NUP58: variants seen among roughly 807,000 people sequenced by gnomAD.
The protein encoded by NUP58 is nucleoporin p58/p45.
Under a neutral mutation model 70.1 loss-of-function variants are expected in NUP58, and 17 were observed. The observed-to-expected ratio is 0.24, with a 90% CI of 0.17 to 0.36. The LOEUF (loss-of-function observed/expected upper bound fraction) is 0.36. Ranked by LOEUF, NUP58 falls within the 10% of genes least tolerant of loss-of-function variation. The pLI is 1.00. For missense variants in NUP58, 644 were observed against 701.5 expected, an observed-to-expected ratio of 0.92 and a Z score of 0.93; for synonymous variants, 275 against 257.6, an observed-to-expected ratio of 1.07 and a Z score of -0.65.
intron 13 of NUP58, chr13:25,336,011 T>G: frequency 8.8e-7 from 1 of 1,136,582 alleles, no homozygotes; most frequent in Non-Finnish European, 1.1e-6. Flanking sequence ...GAGAGGCTAG[T>G]AAGTTTGATG....
chr13:25,326,817 T>G, intron 10 of NUP58, 99 bp from the exon 11 acceptor site: 1 of 582,594 alleles, frequency 1.7e-6, no homozygotes, highest in Non-Finnish European at 3.0e-6. Flanking sequence ...CCTTGATACT[T>G]TTGAAGACTA....
At chr13:25,319,285 A>G (rs2031076969) in intron 6 of NUP58, 41 bp from the exon 7 acceptor site, 2 of 1,578,722 alleles carry the variant, frequency 1.3e-6, no homozygotes, top group Non-Finnish European at 1.7e-6. Flanking sequence ...ATGTTGTTCA[A>G]TTACCAATTT....
chr13:25,302,789 G>T, intron 1 of NUP58: 1 of 364,104 alleles, frequency 2.7e-6, no homozygotes, highest in South Asian at 2.1e-5. Context: ...TAAAAAGGGA[G>T]GGAGGAGGAA....
chr13:25,305,143 T>TTTGTTTGTTTG (rs1555253616), intron 1 of NUP58, among the ~76,000 whole-genome samples: 2 of 10,306 alleles, frequency 1.9e-4, no homozygotes, highest in African/African-American at 1.3e-4. Flanking sequence ...TTTTTTTTTT[T>TTTGTTTGTTTG]TTTTTTTTTT....
chr13:25,327,191 C>T (rs190387124), intron 11 of NUP58, among the ~76,000 whole-genome samples, 157 bp downstream of exon 11: 1 of 152,042 alleles, frequency 6.6e-6, no homozygotes, highest in African/African-American at 2.4e-5. Context: ...ATATAATATG[C>T]TTTATTATAT....
At chr13:25,317,137 A>G (rs3924002) in intron 6 of NUP58, among the ~76,000 whole-genome samples, 54,598 of 151,980 alleles carry the variant, frequency 0.36, 11,885 homozygotes, top group East Asian at 0.56. Context: ...GTAGCAATAA[A>G]CAGCATTCAG....
At chr13:25,336,293 T>C (rs2031779649) in intron 13 of NUP58, 1 of 1,314,232 alleles carries the variant, frequency 7.6e-7, no homozygotes, top group African/African-American at 1.5e-5. Flanking sequence ...ATTGTCATGT[T>C]ACTGTGTAAT....
At chr13:25,335,657 T>G in intron 13 of NUP58, 1 of 985,280 alleles carries the variant, frequency 1.0e-6, no homozygotes, top group Non-Finnish European at 1.2e-6. Flanking sequence ...TAGAAGCTAT[T>G]CGAAAAGTCC....
chr13:25,319,815 A>G (rs1314228870), intron 7 of NUP58, among the ~76,000 whole-genome samples: 1 of 152,044 alleles, frequency 6.6e-6, no homozygotes, highest in East Asian at 1.9e-4. Context: ...ATTTTCTCAC[A>G]TGATTTGTAC....
intron 3 of NUP58, chr13:25,309,944 C>T (rs563487691): frequency 3.2e-5 from 10 of 314,578 alleles, no homozygotes; most frequent in South Asian, 2.0e-4. Flanking sequence ...TTGGATGCTA[C>T]ACCTGTTATT....
At chr13:25,305,965 G>T (rs886809930) in intron 1 of NUP58, among the ~76,000 whole-genome samples, 8 of 152,104 alleles carry the variant, frequency 5.3e-5, no homozygotes, top group African/African-American at 1.4e-4. Flanking sequence ...TTGACTAGGG[G>T]ACATCTTTCT....
intron 14 of NUP58, 137 bp from the exon 15 acceptor site, chr13:25,338,499 A>G (rs1013151462): frequency 1.7e-6 from 1 of 577,232 alleles, no homozygotes; most frequent in Non-Finnish European, 3.1e-6. Context: ...CAAAGGAGTA[A>G]GCAGATTTCC....
Position 25,301,929 on chromosome 13 carries a change from C to T in NUP58, c.107+49C>T, listed in dbSNP as rs531301762. On this transcript the variant is annotated intron_variant, in intron 1 of 15. Coordinates refer to ENST00000381736, the MANE Select transcript of NUP58 (RefSeq NM_014089.4). ...TGGGCCGGATTCACCCCCACCCCCA[C>T]CCCCGCAAAGCTCCCTTGGTGTCCC... is the stretch of plus-strand genomic sequence containing the variant. 46 of 1,247,036 alleles carry T rather than the reference C, an allele frequency of 3.7e-5. No individual in the cohort carries two copies. In the Admixed American group the frequency reaches 3.7e-4, roughly 10 times the overall value. The allele number at this position is 1,247,036 out of a possible 1,614,324, so 77.2% of individuals were successfully genotyped here. A position where few individuals can be genotyped will look rare whatever the true frequency, so the allele number is the denominator to read the frequency against.
At chr13:25,329,230 CATT>C (rs1439854796) in intron 12 of NUP58, among the ~76,000 whole-genome samples, 1 of 152,142 alleles carries the variant, frequency 6.6e-6, no homozygotes, top group Non-Finnish European at 1.5e-5. Flanking sequence ...AGTAGGCTAT[CATT>C]ATACTGAATG....
chr13:25,338,913 C>T (rs1353789798), intron 15 of NUP58, 182 bp downstream of exon 15: 6 of 433,902 alleles, frequency 1.4e-5, no homozygotes, highest in Admixed American at 3.9e-5. Context: ...AACTAAAGGG[C>T]AGGTTTGTAA....
intron 10 of NUP58, 97 bp downstream of exon 10, chr13:25,325,165 G>A: frequency 1.2e-6 from 1 of 858,638 alleles, no homozygotes; most frequent in Non-Finnish European, 1.8e-6. Context: ...TATACTATGT[G>A]GAAAGGCTGA....
At chr13:25,342,750 GAATATATA>G (rs1205287221), downstream of NUP58, among the ~76,000 whole-genome samples, 1 of 152,012 alleles carries the variant, frequency 6.6e-6, no homozygotes, top group African/African-American at 2.4e-5. Context: ...TGTCTTAAAA[GAATATATA>G]AATGTTACTT....
At position 25,309,619 on chromosome 13, in the gene NUP58, T is replaced by A. The variant is rs181458253; in HGVS notation, c.286+337T>A. The stretch of plus-strand genomic sequence containing the variant: ...AAGCCAGAAATTTTGGAATTAAGCC[T>A]CTAAAATACTTGTGAGGCCTTAGGT... On this transcript the variant is annotated intron_variant, in intron 3 of 15. Transcript: ENST00000381736. 1.9e-4 allele frequency among the ~76,000 whole-genome samples: 29 copies of A among 152,346 alleles called. 1 individual carries two copies. In the East Asian group the frequency reaches 5.0e-3, roughly 26 times the overall value.
At chr13:25,302,671 G>A (rs759563215) in intron 1 of NUP58, among the ~76,000 whole-genome samples, 1 of 152,078 alleles carries the variant, frequency 6.6e-6, no homozygotes, top group Non-Finnish European at 1.5e-5. Flanking sequence ...AAAGGTGGAG[G>A]GGTTCATAAA....
Sources: allele counts gnomAD v4.1 joint callset (sites outside exome capture counted in the v4.1 genomes callset), GRCh38; gene constraint gnomAD v4.1.1; transcripts MANE v1.5; gene names NCBI Gene and HGNC (gene_info 2026-07-23, HGNC 2026-07-21).